Variants in KCNQ5 observed in about 807,000 individuals in gnomAD.
The protein encoded by KCNQ5 is potassium voltage-gated channel subfamily Q member 5, also known as potassium voltage-gated channel subfamily KQT member 5.
Under a neutral mutation model 98.2 loss-of-function variants are expected in KCNQ5, and 30 were observed. The ratio of observed to expected loss-of-function variants is 0.31; its 90% CI spans 0.23 to 0.41. The LOEUF (loss-of-function observed/expected upper bound fraction) is 0.41. Ranked by LOEUF, KCNQ5 falls within the 10% of genes least tolerant of loss-of-function variation. KCNQ5 has a pLI of 1.00. For synonymous variants in KCNQ5, 458 were observed against 449.4 expected, an observed-to-expected ratio of 1.02 and a Z score of -0.24; for missense variants, 835 against 1,182.5, an observed-to-expected ratio of 0.71 and a Z score of 4.31.
intron 1 of KCNQ5, among the ~76,000 whole-genome samples, chr6:72,661,048 C>T (rs1766497423): frequency 6.6e-6 from 1 of 151,702 alleles, no homozygotes; most frequent in Admixed American, 6.6e-5. Flanking sequence ...CATCCACTAC[C>T]CAGTTTTAAA....
At chr6:72,971,732 G>A (rs945754922) in intron 1 of KCNQ5, among the ~76,000 whole-genome samples, 15 of 152,064 alleles carry the variant, frequency 9.9e-5, no homozygotes, top group Admixed American at 5.2e-4. Context: ...GCAAACTATC[G>A]CAAGGACAGA....
chr6:73,113,639 T>C (rs1280322871), intron 7 of KCNQ5, among the ~76,000 whole-genome samples: 1 of 152,278 alleles, frequency 6.6e-6, no homozygotes, highest in Non-Finnish European at 1.5e-5. Flanking sequence ...CTTGTCATTA[T>C]TGACTACTAA....
chr6:72,684,995 C>A (rs1192214549), intron 1 of KCNQ5, among the ~76,000 whole-genome samples: 1 of 152,090 alleles, frequency 6.6e-6, no homozygotes, highest in Non-Finnish European at 1.5e-5. Context: ...TTGTCCCTCC[C>A]TCTATATTGT....
intron 1 of KCNQ5, among the ~76,000 whole-genome samples, chr6:72,770,549 T>C (rs1231648496): frequency 6.6e-6 from 1 of 152,142 alleles, no homozygotes; most frequent in African/African-American, 2.4e-5. Flanking sequence ...TAAGATGACC[T>C]GAATCACACA....
At chr6:72,703,606 A>G (rs560326799) in intron 1 of KCNQ5, among the ~76,000 whole-genome samples, 1 of 152,364 alleles carries the variant, frequency 6.6e-6, no homozygotes, top group South Asian at 2.1e-4. Context: ...AATTCCTGTA[A>G]ACAAGCATTT....
chr6:73,078,459 A>G (rs1773627880), intron 5 of KCNQ5, among the ~76,000 whole-genome samples: 2 of 152,230 alleles, frequency 1.3e-5, no homozygotes, highest in Admixed American at 1.3e-4. Context: ...TGATTCTTAC[A>G]TAGAAAGAAA....
intron 1 of KCNQ5, among the ~76,000 whole-genome samples, chr6:72,692,389 C>T (rs1467311657): frequency 1.3e-5 from 2 of 152,220 alleles, no homozygotes; most frequent in Non-Finnish European, 2.9e-5. Flanking sequence ...CTGCCTGCAG[C>T]AGCATTCCTT....
intron 1 of KCNQ5, among the ~76,000 whole-genome samples, chr6:72,725,852 G>A (rs1016423417): frequency 6.6e-6 from 1 of 152,068 alleles, no homozygotes; most frequent in African/African-American, 2.4e-5. Flanking sequence ...ACCAAAGATA[G>A]TGTCTTTTAT....
chr6:72,774,153 A>G (rs990346587), intron 1 of KCNQ5, among the ~76,000 whole-genome samples: 1 of 152,200 alleles, frequency 6.6e-6, no homozygotes, highest in Non-Finnish European at 1.5e-5. Context: ...GGTTAAAAAC[A>G]AAATCTTCTA....
intron 1 of KCNQ5, among the ~76,000 whole-genome samples, chr6:72,654,175 G>T (rs1221816108): frequency 6.6e-6 from 1 of 151,928 alleles, no homozygotes; most frequent in Non-Finnish European, 1.5e-5. Context: ...AGACCATATG[G>T]TATCAGAATT....
intron 9 of KCNQ5, among the ~76,000 whole-genome samples, chr6:73,127,990 G>A (rs1334391160): frequency 6.6e-6 from 1 of 152,078 alleles, no homozygotes; most frequent in African/African-American, 2.4e-5. Context: ...ACTTGAACCT[G>A]GGAAGCAGAG....
At chr6:73,017,951 G>A (rs1459115871) in intron 2 of KCNQ5, among the ~76,000 whole-genome samples, 2 of 152,080 alleles carry the variant, frequency 1.3e-5, no homozygotes, top group African/African-American at 4.8e-5. Flanking sequence ...CAGGGCAGTA[G>A]GGAGGACTCA....
At chr6:72,826,312 A>G (rs1007095155) in intron 1 of KCNQ5, among the ~76,000 whole-genome samples, 23 of 152,182 alleles carry the variant, frequency 1.5e-4, no homozygotes, top group African/African-American at 5.5e-4. Flanking sequence ...AGAGATAATT[A>G]TAATGAGTTA....
chr6:73,131,976 A>AC (rs1776257877), intron 9 of KCNQ5, among the ~76,000 whole-genome samples: 1 of 152,164 alleles, frequency 6.6e-6, no homozygotes, highest in South Asian at 2.1e-4. Flanking sequence ...GAACTCCCTG[A>AC]CCACCAGTTC....
chr6:72,630,181 A>T (rs2098920042), intron 1 of KCNQ5, among the ~76,000 whole-genome samples: 1 of 152,212 alleles, frequency 6.6e-6, no homozygotes, highest in South Asian at 2.1e-4. Flanking sequence ...ACTTGAATAA[A>T]ATGCAATTTA....
intron 1 of KCNQ5, among the ~76,000 whole-genome samples, chr6:72,897,578 T>G (rs556968046): frequency 6.6e-6 from 1 of 152,206 alleles, no homozygotes; most frequent in South Asian, 2.1e-4. Flanking sequence ...CACTCAGAGA[T>G]GAAACTTTTC....
chr6:73,061,292 G>C (rs1429782108), intron 3 of KCNQ5, among the ~76,000 whole-genome samples: 5 of 152,120 alleles, frequency 3.3e-5, no homozygotes, highest in Admixed American at 6.5e-5. Context: ...TAGCGAATGA[G>C]GACAGCATGA....
intron 1 of KCNQ5, among the ~76,000 whole-genome samples, chr6:72,922,810 C>CTTTTTTTTT (rs369263359): frequency 2.9e-5 from 3 of 103,830 alleles, no homozygotes; most frequent in Non-Finnish European, 3.9e-5. Flanking sequence ...TTTTCTTTTT[C>CTTTTTTTTT]TTTTTTTTTT....
chr6:72,873,727 A>C (rs890407339), intron 1 of KCNQ5, among the ~76,000 whole-genome samples: 2 of 152,158 alleles, frequency 1.3e-5, no homozygotes, highest in Non-Finnish European at 2.9e-5. Context: ...TACATTAAAA[A>C]TAATCTAGAA....
Sources: allele counts gnomAD v4.1 joint callset (sites outside exome capture counted in the v4.1 genomes callset), GRCh38; gene constraint gnomAD v4.1.1; transcripts MANE v1.5; gene names NCBI Gene and HGNC (gene_info 2026-07-23, HGNC 2026-07-21).